The following GRID1 variants were observed in gnomAD, a reference collection of about 807,000 sequenced individuals.
GRID1 encodes the protein glutamate receptor ionotropic, delta-1.
GRID1 carries 28 observed loss-of-function variants against 98.0 expected under a neutral mutation model. That is an observed-to-expected ratio of 0.29 (90% CI 0.21 to 0.39). The LOEUF (loss-of-function observed/expected upper bound fraction) is 0.39, where lower values mean the gene tolerates loss of function less well. GRID1 is among the 10% of genes least tolerant of loss of function. The probability of loss-of-function intolerance (pLI) is 1.00; values close to 1 mark genes in which losing one functional copy is unlikely to be tolerated. For synonymous variants in GRID1, 553 were observed against 538.5 expected (o/e 1.03, Z -0.37); for missense variants, 1,111 against 1,340.5 (o/e 0.83, Z 2.67).
chr10:86,270,415 C>A (rs371783247), intron 2 of GRID1, among the ~76,000 whole-genome samples: 1 of 151,924 alleles, frequency 6.6e-6, no homozygotes, highest in Non-Finnish European at 1.5e-5. Context: ...TTGGTCCAGG[C>A]GCAGTGGCTC....
chr10:85,880,877 C>T (rs1453022100), intron 5 of GRID1, among the ~76,000 whole-genome samples: 4 of 152,136 alleles, frequency 2.6e-5, no homozygotes, highest in African/African-American at 7.2e-5. Context: ...GAAAACACCA[C>T]TGTCTAAGCC....
At chr10:85,893,673 C>A (rs1005322969) in intron 5 of GRID1, among the ~76,000 whole-genome samples, 39 of 152,244 alleles carry the variant, frequency 2.6e-4, no homozygotes, top group Non-Finnish European at 2.6e-4. Flanking sequence ...ACTAATTTAA[C>A]AACAAGACCT....
chr10:85,618,631 A>G (rs922633468), intron 14 of GRID1, among the ~76,000 whole-genome samples: 4 of 152,184 alleles, frequency 2.6e-5, no homozygotes, highest in Admixed American at 2.6e-4. Context: ...TAGTTTTGCA[A>G]AGAAGCCACT....
intron 7 of GRID1, among the ~76,000 whole-genome samples, chr10:85,854,855 A>G (rs772994516): frequency 2.0e-5 from 3 of 152,210 alleles, no homozygotes; most frequent in Non-Finnish European, 4.4e-5. Context: ...CATTCATACC[A>G]TCTATATGCT....
chr10:85,855,750 C>G (rs2131781277), intron 7 of GRID1, among the ~76,000 whole-genome samples: 1 of 152,318 alleles, frequency 6.6e-6, no homozygotes, highest in Non-Finnish European at 1.5e-5. Flanking sequence ...CAGCTGCCTC[C>G]ATTTCATACC....
At chr10:86,341,522 G>C (rs959723771) in intron 2 of GRID1, among the ~76,000 whole-genome samples, 2 of 152,128 alleles carry the variant, frequency 1.3e-5, no homozygotes, top group Non-Finnish European at 2.9e-5. Context: ...CAGGGCTCCC[G>C]GCCACGGCTT....
In GRID1 at chr10:85,867,484, G is replaced by A. The variant is rs1185466605; in HGVS notation, c.951+1526C>T. ...TCTCCCGCTGCACTGGGTGGGAATGGGCACACACTCCCTGAGCCCCATTGT... is the reference window on the plus strand; with the variant it reads ...TCTCCCGCTGCACTGGGTGGGAATGAGCACACACTCCCTGAGCCCCATTGT... On this transcript the variant is annotated intron_variant, in intron 6 of 15. Transcript: ENST00000327946. Among the ~76,000 whole-genome samples the A allele has an allele frequency of 2.0e-5, 3 of 152,110 alleles. No homozygotes were observed. In the East Asian group the frequency reaches 5.8e-4, roughly 29 times the overall value.
intron 2 of GRID1, among the ~76,000 whole-genome samples, chr10:86,280,114 G>A (rs542581666): frequency 1.1e-4 from 17 of 152,228 alleles, no homozygotes; most frequent in Non-Finnish European, 2.2e-4. Flanking sequence ...GAGATGGGAA[G>A]ATTGCTTGAG....
chr10:86,332,074 T>C (rs1162969991), intron 2 of GRID1, among the ~76,000 whole-genome samples: 2 of 152,198 alleles, frequency 1.3e-5, no homozygotes, highest in Admixed American at 1.3e-4. Context: ...AGACCATTCA[T>C]TTCAGAGATG....
At chr10:85,616,722 A>T (rs1327430688) in intron 14 of GRID1, among the ~76,000 whole-genome samples, 1 of 152,230 alleles carries the variant, frequency 6.6e-6, no homozygotes, top group Non-Finnish European at 1.5e-5. Context: ...TTTGAAAATG[A>T]GGCTAAACTA....
At chr10:85,642,786 C>T (rs1245261489) in intron 13 of GRID1, among the ~76,000 whole-genome samples, 1 of 152,146 alleles carries the variant, frequency 6.6e-6, no homozygotes, top group Non-Finnish European at 1.5e-5. Context: ...GATTTTTTAA[C>T]ATTATTGTAT....
At chr10:85,777,557 T>C (rs1239395802) in intron 8 of GRID1, among the ~76,000 whole-genome samples, 4 of 152,252 alleles carry the variant, frequency 2.6e-5, no homozygotes, top group Admixed American at 1.3e-4. Flanking sequence ...TGTCATATTG[T>C]TGTCTTGTTT....
At chr10:86,180,619 C>T (rs1845641769) in intron 3 of GRID1, among the ~76,000 whole-genome samples, 1 of 152,112 alleles carries the variant, frequency 6.6e-6, no homozygotes, top group Non-Finnish European at 1.5e-5. Flanking sequence ...CCCAAGTGCA[C>T]CCACTTCCTA....
At chr10:86,157,221 T>G (rs1845258815) in intron 3 of GRID1, among the ~76,000 whole-genome samples, 1 of 152,172 alleles carries the variant, frequency 6.6e-6, no homozygotes, top group South Asian at 2.1e-4. Context: ...GCTTGAAAAC[T>G]TGAGTCCAAA....
At chr10:86,273,989 T>C (rs1345706047) in intron 2 of GRID1, among the ~76,000 whole-genome samples, 1 of 152,190 alleles carries the variant, frequency 6.6e-6, no homozygotes, top group East Asian at 1.9e-4. Flanking sequence ...TCCTTGCCCA[T>C]GCCTATGTCC....
Position 85,792,611 on chromosome 10 carries a change from A to G in GRID1, c.1233+61885T>C, listed in dbSNP as rs181143902. Among the ~76,000 whole-genome samples the G allele has an allele frequency of 5.8e-4, 88 of 152,208 alleles. 1 individual carries two copies. The highest frequency in any genetic ancestry group is 2.0e-3 in the African/African-American group (84 of 41,526). On this transcript the variant is annotated intron_variant, in intron 8 of 15. Transcript: ENST00000327946. ...CCTGGTCTCTCTCTTTCCACTCCTC[A>G]CAATGCTGGCTAAATGAAGTGACTG...
chr10:85,669,068 GC>G lies in GRID1; in HGVS notation c.1998-21672del. On this transcript the variant is annotated intron_variant, in intron 12 of 15. Coordinates refer to ENST00000327946, the MANE Select transcript of GRID1 (RefSeq NM_017551.3). ...GGTTCCACCAGAGGATGACACATGG[GC>G]TAATCACAGGGTTCCCCATTCTAGG... Among the ~76,000 whole-genome samples the G allele has an allele frequency of 2.6e-5, 4 of 152,334 alleles. No individual in the cohort carries two copies. In the South Asian group the frequency reaches 8.3e-4, roughly 32 times the overall value.
chr10:86,056,951 CG>C (rs1323087513), intron 4 of GRID1, among the ~76,000 whole-genome samples: 1 of 152,178 alleles, frequency 6.6e-6, no homozygotes, highest in Non-Finnish European at 1.5e-5. Flanking sequence ...GCAGAGCTGG[CG>C]AACTGCCCCT....
intron 12 of GRID1, among the ~76,000 whole-genome samples, chr10:85,687,119 A>T (rs1841278358): frequency 6.6e-6 from 1 of 152,190 alleles, no homozygotes; most frequent in Admixed American, 6.5e-5. Flanking sequence ...AGTTTTTCAG[A>T]TGTGACTTTA....
Sources: allele counts gnomAD v4.1 joint callset (sites outside exome capture counted in the v4.1 genomes callset), GRCh38; gene constraint gnomAD v4.1.1; transcripts MANE v1.5; gene names NCBI Gene and HGNC (gene_info 2026-07-23, HGNC 2026-07-21).